Variants in SLC35F4 observed in about 807,000 individuals in gnomAD.
SLC35F4 encodes the protein chromosome 14 open reading frame 36.
Under a neutral mutation model 44.2 loss-of-function variants are expected in SLC35F4, and 24 were observed. The ratio of observed to expected loss-of-function variants is 0.54; its 90% CI spans 0.39 to 0.76. The LOEUF is 0.76. SLC35F4 is among the 30% of genes least tolerant of loss of function. SLC35F4 has a pLI of 0.00. For missense variants in SLC35F4, 562 were observed against 586.1 expected (o/e 0.96, Z 0.42); for synonymous variants, 238 against 223.6 (o/e 1.06, Z -0.57).
intron 1 of SLC35F4, among the ~76,000 whole-genome samples, chr14:57,678,139 C>A (rs920609722): frequency 4.6e-5 from 7 of 152,004 alleles, no homozygotes; most frequent in Admixed American, 2.0e-4. Flanking sequence ...TTGGGGTACC[C>A]ACAAAGGGAA....
At chr14:57,585,351 A>G in intron 3 of SLC35F4, among the ~76,000 whole-genome samples, 1 of 152,206 alleles carries the variant, frequency 6.6e-6, no homozygotes, top group Non-Finnish European at 1.5e-5. Context: ...TCAAAATAAT[A>G]AGACCTATTT....
chr14:57,944,677 A>AAAGAAAG lies in SLC35F4; in HGVS notation n.282+37235_282+37236insCTTTCTT, dbSNP rs1566508613. Among the ~76,000 whole-genome samples, 208 of 143,428 alleles carry AAAGAAAG rather than the reference A, an allele frequency of 1.5e-3. 2 individuals carry two copies. In the East Asian group the frequency reaches 0.022, roughly 15 times the overall value. 94.1% of individuals were successfully genotyped at this position (143,428 alleles called of 152,430 possible). On this transcript the variant is annotated intron_variant and non_coding_transcript_variant, in intron 1 of 1. Coordinates refer to the SLC35F4 transcript ENST00000556568. ...AGGGAGGGAGAGAGAGAAAGAAAGA[A>AAAGAAAG]AAAGAAAAGAAAGAAAGAAAAGAAA...
In SLC35F4 at chr14:57,892,600, C is replaced by A. The variant is rs139079707; in HGVS notation, n.282+89313G>T. Among the ~76,000 whole-genome samples, 5 of 152,312 alleles carry A rather than the reference C, an allele frequency of 3.3e-5. No homozygotes were observed. The East Asian group carries it at 9.6e-4, about 29-fold the overall frequency. ...ATTCATTTAACGTTTACAAGACCTA[C>A]AATGGTTATCAATACCAATCAATCT... On this transcript the variant is annotated intron_variant and non_coding_transcript_variant, in intron 1 of 1. Coordinates refer to the SLC35F4 transcript ENST00000556568.
rs189624326 is a variant in SLC35F4, at chr14:57,842,608, T to C, written c.103+23115A>G. ...TAACACAGATGCTGTCAGGCTGCCC[T>C]CACCACACAACCACCTCTCTCTCCA... On this transcript the variant is annotated intron_variant, in intron 1 of 7. Coordinates refer to ENST00000556826, the MANE Select transcript of SLC35F4 (RefSeq NM_001306087.2). Among the ~76,000 whole-genome samples the C allele has an allele frequency of 2.0e-5, 3 of 152,210 alleles. No homozygotes were observed. The East Asian group carries it at 5.8e-4, about 29-fold the overall frequency.
intron 1 of SLC35F4, among the ~76,000 whole-genome samples, chr14:57,955,061 G>A (rs1050708043): frequency 2.7e-5 from 4 of 150,846 alleles, no homozygotes; most frequent in Middle Eastern, 3.4e-3. Context: ...CTGGCAAACC[G>A]AATTCAGCAG....
intron 1 of SLC35F4, among the ~76,000 whole-genome samples, chr14:57,962,945 A>T (rs1890365162): frequency 6.6e-6 from 1 of 152,086 alleles, no homozygotes. Flanking sequence ...AACAAAGCAG[A>T]GTCTTTTTCT....
intron 3 of SLC35F4, among the ~76,000 whole-genome samples, chr14:57,588,874 G>C (rs2069968771): frequency 6.6e-6 from 1 of 152,010 alleles, no homozygotes; most frequent in Non-Finnish European, 1.5e-5. Flanking sequence ...TTTAAATCTT[G>C]GTTCTATTAT....
chr14:57,723,554 G>A (rs1374968795), intron 1 of SLC35F4, among the ~76,000 whole-genome samples: 1 of 152,242 alleles, frequency 6.6e-6, no homozygotes, highest in Admixed American at 6.5e-5. Flanking sequence ...TGCAGCTGCT[G>A]TACCAGATGT....
chr14:57,915,438 A>G (rs776897903), intron 1 of SLC35F4, among the ~76,000 whole-genome samples: 1 of 152,162 alleles, frequency 6.6e-6, no homozygotes, highest in Non-Finnish European at 1.5e-5. Flanking sequence ...CAAGGCTTCA[A>G]ATTTCCCAAA....
chr14:57,802,971 C>T (rs2078224817), intron 1 of SLC35F4, among the ~76,000 whole-genome samples: 1 of 134,512 alleles, frequency 7.4e-6, no homozygotes, highest in South Asian at 2.4e-4. Context: ...GATACCACAA[C>T]TTGGCAGAGA....
chr14:57,690,670 G>C (rs1457546450), intron 1 of SLC35F4, among the ~76,000 whole-genome samples: 1 of 151,790 alleles, frequency 6.6e-6, no homozygotes, highest in Non-Finnish European at 1.5e-5. Context: ...GAATCAGTAG[G>C]AGCCCTGAGC....
At chr14:57,704,541 C>T (rs2075622822) in intron 1 of SLC35F4, among the ~76,000 whole-genome samples, 1 of 152,078 alleles carries the variant, frequency 6.6e-6, no homozygotes, top group Admixed American at 6.6e-5. Context: ...GACACTCTGA[C>T]AAGATATGAC....
At chr14:57,671,845 TTA>T (rs2074533145) in intron 1 of SLC35F4, among the ~76,000 whole-genome samples, 1 of 152,132 alleles carries the variant, frequency 6.6e-6, no homozygotes, top group African/African-American at 2.4e-5. Flanking sequence ...GTCAAGCCCA[TTA>T]TAGTTGACAC....
At chr14:57,786,395 G>C (rs1038221814) in intron 1 of SLC35F4, among the ~76,000 whole-genome samples, 4 of 152,062 alleles carry the variant, frequency 2.6e-5, no homozygotes, top group Admixed American at 6.6e-5. Context: ...CCCACTGCTG[G>C]TCCCTCTCCA....
downstream of SLC35F4, among the ~76,000 whole-genome samples, chr14:57,975,250 C>T (rs1294868412): frequency 6.6e-6 from 1 of 152,192 alleles, no homozygotes; most frequent in Non-Finnish European, 1.5e-5. Context: ...GGCTTCCCCT[C>T]CACTGGCAAA....
intron 1 of SLC35F4, among the ~76,000 whole-genome samples, chr14:57,981,409 CTG>C (rs1881378570): frequency 1.3e-5 from 2 of 152,146 alleles, no homozygotes; most frequent in Non-Finnish European, 2.9e-5. Context: ...GTTGAAGTAA[CTG>C]AGGCTCAGGT....
At chr14:57,603,802 C>T (rs1037594104) in intron 1 of SLC35F4, among the ~76,000 whole-genome samples, 7 of 152,212 alleles carry the variant, frequency 4.6e-5, no homozygotes, top group Non-Finnish European at 1.0e-4. Flanking sequence ...CAGTGGCTTG[C>T]AACCAAGAGT....
chr14:57,623,285 A>C (rs2072296180), intron 1 of SLC35F4, among the ~76,000 whole-genome samples: 2 of 152,224 alleles, frequency 1.3e-5, no homozygotes, highest in African/African-American at 2.4e-5. Flanking sequence ...ATATGTGCCC[A>C]ATACAGAAGC....
chr14:57,873,717 G>A (rs1381415159), intron 1 of SLC35F4, among the ~76,000 whole-genome samples: 2 of 150,934 alleles, frequency 1.3e-5, no homozygotes, highest in African/African-American at 4.9e-5. Context: ...AATATAATTT[G>A]CTAATATTAA....
Sources: allele counts gnomAD v4.1 joint callset (sites outside exome capture counted in the v4.1 genomes callset), GRCh38; gene constraint gnomAD v4.1.1; transcripts MANE v1.5; gene names NCBI Gene and HGNC (gene_info 2026-07-23, HGNC 2026-07-21).